TNR: variants seen among roughly 807,000 people sequenced by gnomAD.
TNR encodes the protein tenascin R, also known as tenascin-R.
TNR carries 45 observed loss-of-function variants against 150.4 expected under a neutral mutation model. The observed-to-expected ratio is 0.30, with a 90% CI of 0.24 to 0.38. The LOEUF is 0.38. TNR is among the 10% of genes least tolerant of loss of function. The pLI is 1.00. For synonymous variants in TNR, 687 were observed against 678.4 expected, an observed-to-expected ratio of 1.01 and a Z score of -0.20; for missense variants, 1,544 against 1,759.1, an observed-to-expected ratio of 0.88 and a Z score of 2.19.
Position 175,456,462 on chromosome 1 carries a change from A to C in TNR, c.-63-49685T>G, listed in dbSNP as rs147309482. Among the ~76,000 whole-genome samples, 841 of 152,278 alleles carry C rather than the reference A, an allele frequency of 5.5e-3. 9 individuals are homozygous for C. Among genetic ancestry groups the C allele is most frequent in the African/African-American group, 0.019 (797 of 41,560 alleles). ...AAAGGCGAGGATTTTTGACTGTTTT[A>C]TTTGCTGCTGCATCCCTGAATGTCT... On this transcript the variant is annotated intron_variant, in intron 2 of 22. Transcript: ENST00000367674.
chr1:175,462,117 C>T (rs1656848114), intron 2 of TNR, among the ~76,000 whole-genome samples: 1 of 152,218 alleles, frequency 6.6e-6, no homozygotes, highest in Admixed American at 6.5e-5. Context: ...TCCAGTTGCT[C>T]TGCTCACTTT....
intron 1 of TNR, among the ~76,000 whole-genome samples, chr1:175,568,138 A>T (rs1291782159): frequency 3.9e-5 from 6 of 152,220 alleles, no homozygotes; most frequent in Non-Finnish European, 5.9e-5. Flanking sequence ...TCCCAGAGCA[A>T]AGTCCCACTC....
At position 175,403,481 on chromosome 1, in the gene TNR, C is replaced by T; in HGVS notation, c.635G>A (p.Gly212Glu). The stretch of plus-strand genomic sequence containing the variant: ...GATGCACTGGCCATCCACACACACC[C>T]CCCGGCTGGAGCAACCCAGCGGGCA... The part of the protein sequence containing the change: ...PYCPLGCSSR[G>E]VCVDGQCICD... Residue 212 changes from glycine (G) to glutamate (E), a missense_variant, in exon 4 of 23, where the codon GGG (glycine) becomes GAG (glutamate). Physicochemically the swap from Gly to Glu is moderately conservative, Grantham distance 98. Transcript: ENST00000367674. 1.2e-6 allele frequency: 2 copies of T among 1,614,246 alleles called. No homozygotes were observed. The highest frequency in any genetic ancestry group is 1.7e-6 in the Non-Finnish European group (2 of 1,180,052).
intron 1 of TNR, among the ~76,000 whole-genome samples, chr1:175,665,674 T>G (rs1665514624): frequency 6.6e-6 from 1 of 152,256 alleles, no homozygotes; most frequent in Non-Finnish European, 1.5e-5. Flanking sequence ...TACTTGCTTA[T>G]CTATTTCTTT....
chr1:175,490,649 G>A (rs1355117180), intron 2 of TNR, among the ~76,000 whole-genome samples: 2 of 152,160 alleles, frequency 1.3e-5, no homozygotes, highest in Non-Finnish European at 2.9e-5. Context: ...TTAGAGAAAT[G>A]TAAATCAAAA....
At chr1:175,545,621 T>C (rs1363601903) in intron 1 of TNR, among the ~76,000 whole-genome samples, 2 of 152,204 alleles carry the variant, frequency 1.3e-5, no homozygotes, top group African/African-American at 4.8e-5. Flanking sequence ...TCACTAAGTG[T>C]CTGGCACTGC....
intron 9 of TNR, among the ~76,000 whole-genome samples, chr1:175,372,790 T>C (rs953843087): frequency 6.6e-6 from 1 of 152,184 alleles, no homozygotes; most frequent in African/African-American, 2.4e-5. Context: ...AATATGGACC[T>C]TTCCATCTTT....
chr1:175,354,326 GGCT>G, intron 18 of TNR, 62 bp downstream of exon 18: 1 of 1,580,462 alleles, frequency 6.3e-7, no homozygotes, highest in Non-Finnish European at 8.6e-7. Flanking sequence ...TCTCAGCAGA[GGCT>G]GCTGATGAGC....
intron 1 of TNR, among the ~76,000 whole-genome samples, chr1:175,614,867 C>T (rs889832644): frequency 1.2e-4 from 19 of 152,200 alleles, no homozygotes; most frequent in African/African-American, 4.1e-4. Flanking sequence ...GGGTGACCGG[C>T]TGTTCAATGG....
chr1:175,341,298 C>T (rs1650512791), intron 18 of TNR, among the ~76,000 whole-genome samples: 1 of 152,142 alleles, frequency 6.6e-6, no homozygotes. Context: ...GGTTTTTCTT[C>T]CTTTTGGTGC....
chr1:175,453,274 G>A (rs1448611014), intron 2 of TNR, among the ~76,000 whole-genome samples: 1 of 152,080 alleles, frequency 6.6e-6, no homozygotes, highest in African/African-American at 2.4e-5. Context: ...CGGATGATTG[G>A]TGACGTGTTT....
intron 2 of TNR, among the ~76,000 whole-genome samples, chr1:175,441,211 G>A (rs986555646): frequency 4.6e-5 from 7 of 152,160 alleles, no homozygotes; most frequent in Non-Finnish European, 7.3e-5. Flanking sequence ...TCTGCCAAAT[G>A]ACTTGACATT....
At chr1:175,470,618 T>C (rs1461389735) in intron 2 of TNR, among the ~76,000 whole-genome samples, 2 of 152,232 alleles carry the variant, frequency 1.3e-5, no homozygotes, top group East Asian at 3.8e-4. Flanking sequence ...GAATGGGGTA[T>C]CTATCCCTTC....
chr1:175,559,576 C>T (rs1426910849), intron 1 of TNR, among the ~76,000 whole-genome samples: 1 of 152,086 alleles, frequency 6.6e-6, no homozygotes, highest in African/African-American at 2.4e-5. Context: ...ACATATGTAT[C>T]ACTGAAGAAT....
chr1:175,356,250 C>T, intron 16 of TNR, 69 bp downstream of exon 16: 2 of 1,590,244 alleles, frequency 1.3e-6, no homozygotes, highest in Non-Finnish European at 1.7e-6. Context: ...ATCTAGTCCA[C>T]CACAAGAAAG....
At chr1:175,679,060 A>G (rs1049886645) in intron 1 of TNR, among the ~76,000 whole-genome samples, 20 of 152,268 alleles carry the variant, frequency 1.3e-4, no homozygotes, top group Non-Finnish European at 2.8e-4. Context: ...GTTCACATAA[A>G]GCAGCTTCTG....
chr1:175,643,951 A>G (rs939183572), intron 1 of TNR, among the ~76,000 whole-genome samples: 7 of 152,226 alleles, frequency 4.6e-5, no homozygotes, highest in African/African-American at 1.7e-4. Context: ...ATGCACACAG[A>G]CCACCCAGGA....
rs117929962 is a variant in TNR at position 175,587,090 on chromosome 1, G to A, written c.-164-58721C>T. 1.8e-3 allele frequency among the ~76,000 whole-genome samples: 268 copies of A among 152,126 alleles called. 4 individuals are homozygous for A. The East Asian group carries it at 0.042, about 24-fold the overall frequency. ...TATTTCTCTACAAAGCCTGCATTAC[G>A]TCAACATGACTTTTCCTTCAAGAAA... On this transcript the variant is annotated intron_variant, in intron 1 of 22. Coordinates refer to ENST00000367674, the MANE Select transcript of TNR (RefSeq NM_003285.3).
At chr1:175,576,675 C>T (rs1662123063) in intron 1 of TNR, among the ~76,000 whole-genome samples, 1 of 152,170 alleles carries the variant, frequency 6.6e-6, no homozygotes, top group Non-Finnish European at 1.5e-5. Flanking sequence ...ACTTTACTAT[C>T]CTTTGCTAAA....
Sources: allele counts gnomAD v4.1 joint callset (sites outside exome capture counted in the v4.1 genomes callset), GRCh38; gene constraint gnomAD v4.1.1; transcripts MANE v1.5; gene names NCBI Gene and HGNC (gene_info 2026-07-23, HGNC 2026-07-21).